Variants in SLC16A2 observed in about 807,000 individuals in gnomAD.
SLC16A2 encodes monocarboxylate transporter 8.
SLC16A2 carries 3 observed loss-of-function variants against 27.2 expected under a neutral mutation model. The ratio of observed to expected loss-of-function variants is 0.11; its 90% CI spans 0.05 to 0.28. SLC16A2 has a LOEUF of 0.28. SLC16A2 is among the 10% of genes least tolerant of loss of function. The pLI is 1.00. For synonymous variants in SLC16A2, 202 were observed against 187.8 expected (o/e 1.08, Z -0.62); for missense variants, 295 against 458.5 (o/e 0.64, Z 3.26).
intron 1 of SLC16A2, among the ~76,000 whole-genome samples, chrX:74,475,911 G>A (rs1349948410): frequency 9.0e-6 from 1 of 111,612 alleles, no homozygotes; most frequent in Non-Finnish European, 1.9e-5. Context: ...AAGTCAGGTA[G>A]CGTGATGCCT....
intron 1 of SLC16A2, among the ~76,000 whole-genome samples, chrX:74,440,583 C>T (rs1928726208): frequency 1.0e-5 from 1 of 97,360 alleles, no homozygotes; most frequent in Non-Finnish European, 2.0e-5. Flanking sequence ...CTTAGCCAAG[C>T]GTGTTTATTT....
rs774395251 is a variant in SLC16A2 at position 74,484,096 on chromosome X, G to A, written c.431-36894G>A. Among the ~76,000 whole-genome samples the A allele has an allele frequency of 3.6e-5, 4 of 111,574 alleles. No individual in the cohort carries two copies. The East Asian group carries it at 1.1e-3, about 32-fold the overall frequency. On this transcript the variant is annotated intron_variant, in intron 1 of 5. Coordinates refer to ENST00000587091, the MANE Select transcript of SLC16A2 (RefSeq NM_006517.5). ...CCATCATACTAAACTGGGAGGTAGG[G>A]ATGTGTTGATGAAAAGAGTCAAACT...
chrX:74,519,554 A>G (rs1288462885), intron 1 of SLC16A2, among the ~76,000 whole-genome samples: 80 of 104,085 alleles, frequency 7.7e-4, no homozygotes, highest in Non-Finnish European at 1.1e-3. Context: ...TCTACTAAAA[A>G]CACACAAAAA....
At chrX:74,425,907 T>C (rs753822667) in intron 1 of SLC16A2, among the ~76,000 whole-genome samples, 2 of 112,026 alleles carry the variant, frequency 1.8e-5, no homozygotes, top group South Asian at 7.4e-4. Flanking sequence ...GCTGAGGCTC[T>C]CATCACCAGA....
At chrX:74,469,702 A>G (rs1382037393) in intron 1 of SLC16A2, among the ~76,000 whole-genome samples, 3 of 110,856 alleles carry the variant, frequency 2.7e-5, no homozygotes, top group African/African-American at 9.8e-5. Context: ...GATTTGTAGC[A>G]AAGTTGAGCA....
intron 3 of SLC16A2, among the ~76,000 whole-genome samples, 155 bp downstream of exon 3, chrX:74,524,964 G>A (rs754409005): frequency 1.7e-3 from 193 of 111,434 alleles, no homozygotes; most frequent in Non-Finnish European, 3.2e-3. Flanking sequence ...ATCCAGAGAG[G>A]GAAAAAGAGA....
rs761444314 is a variant in SLC16A2 at position 74,533,590 on chromosome X, G to C, written c.*2037G>C. On this transcript the variant is annotated 3_prime_UTR_variant, in exon 6 of 6. Transcript: ENST00000587091. ...GACCTCTTTTGTTGCTTAAGATGCA[G>C]ATGGCTCTTAAGAATCAGGCAGTCG... The C allele has an allele frequency of 8.9e-6, 1 of 112,758 alleles. No individual in the cohort carries two copies. Among genetic ancestry groups the C allele is most frequent in the East Asian group, 2.8e-4 (1 of 3,575 alleles). The allele number at this position is 112,758 out of a possible 1,213,427, so 9.3% of individuals were successfully genotyped here.
chrX:74,437,179 C>A (rs998250180), intron 1 of SLC16A2, among the ~76,000 whole-genome samples: 2 of 110,306 alleles, frequency 1.8e-5, no homozygotes, highest in Non-Finnish European at 3.8e-5. Context: ...GACCTCCCAT[C>A]CTGTTACTTG....
chrX:74,450,045 C>T (rs1386071800), intron 1 of SLC16A2, among the ~76,000 whole-genome samples: 2 of 112,005 alleles, frequency 1.8e-5, no homozygotes, highest in Admixed American at 9.5e-5. Context: ...ATTTTAGCAT[C>T]GCTCAAAGCC....
intron 1 of SLC16A2, among the ~76,000 whole-genome samples, chrX:74,444,757 T>C (rs1311977437): frequency 9.0e-6 from 1 of 111,134 alleles, no homozygotes; most frequent in Non-Finnish European, 1.9e-5. Flanking sequence ...AAAGGAGGAG[T>C]TGTTATTGTT....
At chrX:74,422,145 G>C (rs1269982575) in intron 1 of SLC16A2, 78 bp downstream of exon 1, 2 of 995,497 alleles carry the variant, frequency 2.0e-6, no homozygotes, top group Non-Finnish European at 2.8e-6. Context: ...CATACCTCCC[G>C]GTCCGAGGCG....
intron 1 of SLC16A2, among the ~76,000 whole-genome samples, chrX:74,498,182 C>G (rs962061555): frequency 1.3e-4 from 15 of 111,680 alleles, no homozygotes; most frequent in African/African-American, 3.6e-4. Flanking sequence ...TTATGAGGAG[C>G]CTGAATTCTG....
At chrX:74,451,724 T>C in intron 1 of SLC16A2, among the ~76,000 whole-genome samples, 1 of 113,090 alleles carries the variant, frequency 8.8e-6, no homozygotes, top group Admixed American at 9.3e-5. Context: ...AAATTGCTTA[T>C]AGTGATGTGC....
chrX:74,437,270 T>G (rs1349116641), intron 1 of SLC16A2, among the ~76,000 whole-genome samples: 1 of 112,249 alleles, frequency 8.9e-6, no homozygotes, highest in African/African-American at 3.2e-5. Flanking sequence ...TGCAGGAAGC[T>G]CTAAACATTA....
rs559511696 is a variant in SLC16A2, at chrX:74,514,360, C to G, written c.431-6630C>G. Reference sequence around the variant, plus strand: ...TTAAACAATAATCCCTCTACTCCAGCCTAACACCATGGGAAAAAATGCACC... The same window carrying G: ...TTAAACAATAATCCCTCTACTCCAGGCTAACACCATGGGAAAAAATGCACC... On this transcript the variant is annotated intron_variant, in intron 1 of 5. Transcript: ENST00000587091. Among the ~76,000 whole-genome samples the G allele has an allele frequency of 3.6e-5, 4 of 110,904 alleles. No homozygotes were observed. The South Asian group carries it at 1.6e-3, about 43-fold the overall frequency.
intron 1 of SLC16A2, among the ~76,000 whole-genome samples, chrX:74,424,434 T>A (rs1376512396): frequency 9.0e-6 from 1 of 111,555 alleles, no homozygotes; most frequent in Admixed American, 9.5e-5. Context: ...TCTTCAACTT[T>A]CCCAAGCAAC....
intron 1 of SLC16A2, among the ~76,000 whole-genome samples, chrX:74,495,456 G>A (rs1384172251): frequency 9.2e-6 from 1 of 108,575 alleles, no homozygotes; most frequent in Non-Finnish European, 1.9e-5. Context: ...AAAGATACTC[G>A]AGAAAATCAG....
At chrX:74,441,348 C>T (rs924814774) in intron 1 of SLC16A2, among the ~76,000 whole-genome samples, 3 of 109,909 alleles carry the variant, frequency 2.7e-5, no homozygotes, top group Non-Finnish European at 3.8e-5. Flanking sequence ...CATGAGCCAC[C>T]GCACCAGGCA....
At chrX:74,496,952 C>T (rs866270853) in intron 1 of SLC16A2, among the ~76,000 whole-genome samples, 2 of 111,520 alleles carry the variant, frequency 1.8e-5, no homozygotes, top group African/African-American at 3.3e-5. Context: ...TTCTTCTGGA[C>T]GTCCAGCTGC....
Sources: allele counts gnomAD v4.1 joint callset (sites outside exome capture counted in the v4.1 genomes callset), GRCh38; gene constraint gnomAD v4.1.1; transcripts MANE v1.5; gene names NCBI Gene and HGNC (gene_info 2026-07-23, HGNC 2026-07-21).